SNX25: variants seen among roughly 807,000 people sequenced by gnomAD.
The protein encoded by SNX25 is sorting nexin-25.
Under a neutral mutation model 113.7 loss-of-function variants are expected in SNX25, and 62 were observed. That is an observed-to-expected ratio of 0.55 (90% CI 0.44 to 0.67). The LOEUF (loss-of-function observed/expected upper bound fraction) is 0.67. SNX25 is among the 30% of genes least tolerant of loss of function. The pLI, the probability that SNX25 is intolerant of heterozygous loss-of-function variation, is 0.00. For missense variants in SNX25, 1,014 were observed against 1,161.0 expected (o/e 0.87, Z 1.84); for synonymous variants, 421 against 436.2 (o/e 0.97, Z 0.43).
rs578257628 is a variant in SNX25, at chr4:185,282,286, C to T, written c.1092-5726C>T. On this transcript the variant is annotated intron_variant, in intron 5 of 18. Transcript: ENST00000652585. Reference sequence around the variant, plus strand: ...AAGCGATTCCCCTGCCTCAGCCTCCCGAGTAGCTGGGATTGCAGGCACCCG... The same window carrying T: ...AAGCGATTCCCCTGCCTCAGCCTCCTGAGTAGCTGGGATTGCAGGCACCCG... Among the ~76,000 whole-genome samples, 11 of 152,142 alleles carry T rather than the reference C, an allele frequency of 7.2e-5. No homozygotes were observed. In the East Asian group the frequency reaches 1.4e-3, roughly 19 times the overall value.
rs957415787 is a variant in SNX25, at chr4:185,258,991, G to T, written c.658G>T (p.Val220Phe). 5.6e-6 allele frequency: 9 copies of T among 1,614,068 alleles called. No individual in the cohort carries two copies. The highest frequency in any genetic ancestry group is 7.6e-6 in the Non-Finnish European group (9 of 1,180,030). ...CCACAGACTGAGTCACGTGGATGTG[G>T]TTAAAGTTGTCTGCAATGATGTTGT... ...LHHRLSHVDV[V>F]KVVCNDVVRT... Residue 220 changes from valine (V) to phenylalanine (F), a missense_variant, in exon 3 of 19, where the codon GTT (valine) becomes TTT (phenylalanine). Transcript: ENST00000652585.
chr4:185,223,943 C>T (rs528427680), intron 1 of SNX25, among the ~76,000 whole-genome samples: 3 of 152,300 alleles, frequency 2.0e-5, no homozygotes, highest in African/African-American at 7.2e-5. Context: ...CATAAAGGTA[C>T]AGTTCGGTAG....
chr4:185,362,562 A>G (rs1483878791), intron 17 of SNX25, 49 bp from the exon 18 acceptor site: 1 of 1,547,556 alleles, frequency 6.5e-7, no homozygotes, highest in Non-Finnish European at 8.9e-7. Flanking sequence ...AAAGCTATGC[A>G]CTGAGCACTT....
At chr4:185,240,433 C>T (rs1340999385) in intron 1 of SNX25, among the ~76,000 whole-genome samples, 6 of 150,434 alleles carry the variant, frequency 4.0e-5, no homozygotes, top group Admixed American at 2.6e-4. Flanking sequence ...GGGCGGCTGG[C>T]CGGGCAGAGG....
At chr4:185,291,791 C>T (rs1752207723) in intron 6 of SNX25, among the ~76,000 whole-genome samples, 2 of 152,172 alleles carry the variant, frequency 1.3e-5, no homozygotes, top group Non-Finnish European at 1.5e-5. Context: ...GATTGGGGCC[C>T]ACCCTGATTA....
chr4:185,369,730 C>G (rs1468095105), intron 11 of SNX25: 3 of 437,178 alleles, frequency 6.9e-6, no homozygotes, highest in Non-Finnish European at 1.4e-5. Flanking sequence ...CCAAACTTAC[C>G]TGACATTGGA....
intron 5 of SNX25, among the ~76,000 whole-genome samples, chr4:185,280,978 G>A (rs1296883643): frequency 6.6e-6 from 1 of 152,088 alleles, no homozygotes; most frequent in Admixed American, 6.5e-5. Context: ...CCCTGTCTTG[G>A]GCCTATCAAA....
downstream of SNX25, among the ~76,000 whole-genome samples, chr4:185,374,906 C>T (rs1448588996): frequency 6.6e-6 from 1 of 152,112 alleles, no homozygotes; most frequent in Non-Finnish European, 1.5e-5. Context: ...TCCATTCAAG[C>T]ATACTTTTAC....
At chr4:185,214,888 C>T (rs1022031925) in intron 1 of SNX25, among the ~76,000 whole-genome samples, 1 of 152,162 alleles carries the variant, frequency 6.6e-6, no homozygotes, top group African/African-American at 2.4e-5. Flanking sequence ...AAATTTCAAG[C>T]ACAGTTTCCT....
intron 6 of SNX25, among the ~76,000 whole-genome samples, chr4:185,306,545 G>A (rs1754499211): frequency 6.6e-6 from 1 of 152,038 alleles, no homozygotes; most frequent in African/African-American, 2.4e-5. Flanking sequence ...GCTCTCTTTG[G>A]GTAAAAAGAA....
At chr4:185,263,133 GCTCCTTTATTATCTGC>G (rs1200461325) in intron 3 of SNX25, among the ~76,000 whole-genome samples, 7 of 152,170 alleles carry the variant, frequency 4.6e-5, no homozygotes, top group African/African-American at 1.7e-4. Context: ...TGAGTACCAG[GCTCCTTTATTATCTGC>G]CTTCCACTGT....
intron 1 of SNX25, among the ~76,000 whole-genome samples, chr4:185,245,893 T>C (rs1314367440): frequency 6.6e-6 from 1 of 151,998 alleles, no homozygotes; most frequent in African/African-American, 2.4e-5. Flanking sequence ...TTACTTCCAA[T>C]TTTTTTTGCC....
intron 1 of SNX25, among the ~76,000 whole-genome samples, chr4:185,228,274 A>G (rs960917015): frequency 6.6e-5 from 10 of 152,140 alleles, no homozygotes; most frequent in African/African-American, 2.4e-4. Flanking sequence ...GGAAAGATGG[A>G]AAAGTAGAGA....
chr4:185,209,163 G>C (rs1379877531), upstream of SNX25, among the ~76,000 whole-genome samples: 1 of 152,204 alleles, frequency 6.6e-6, no homozygotes, highest in Non-Finnish European at 1.5e-5. This position sits in a 1 kb window ranked among gnomAD's most constrained non-coding sequence, Gnocchi z 5.2. Context: ...TAAGGCGGCA[G>C]GGTGGGAAAG....
intron 4 of SNX25, among the ~76,000 whole-genome samples, chr4:185,265,719 A>G (rs984887505): frequency 4.6e-5 from 7 of 152,198 alleles, no homozygotes; most frequent in Non-Finnish European, 8.8e-5. Context: ...ACTCTTTTGT[A>G]ATAACATTTA....
chr4:185,255,140 A>T (rs1746219501), intron 2 of SNX25, among the ~76,000 whole-genome samples: 1 of 145,862 alleles, frequency 6.9e-6, no homozygotes, highest in Non-Finnish European at 1.5e-5. Flanking sequence ...TTTCTTCTTT[A>T]TTTTTTTTTT....
At chr4:185,370,256 C>CA (rs1336160655), downstream of SNX25, 2 of 162,210 alleles carry the variant, frequency 1.2e-5, no homozygotes, top group African/African-American at 4.8e-5. Context: ...ATGTCACGCT[C>CA]AAAAAAACTT....
intron 16 of SNX25, among the ~76,000 whole-genome samples, chr4:185,360,671 G>A (rs376243797): frequency 6.6e-6 from 1 of 152,014 alleles, no homozygotes; most frequent in East Asian, 1.9e-4. Context: ...ATGACTGGCC[G>A]GGTGCGGTGG....
intron 1 of SNX25, among the ~76,000 whole-genome samples, chr4:185,247,021 A>G (rs971490882): frequency 4.6e-5 from 7 of 152,176 alleles, no homozygotes; most frequent in Non-Finnish European, 1.0e-4. Flanking sequence ...ATATAGCTAC[A>G]TCGGTTTGTT....
Sources: allele counts gnomAD v4.1 joint callset (sites outside exome capture counted in the v4.1 genomes callset), GRCh38; gene constraint gnomAD v4.1.1; non-coding constraint Gnocchi (gnomAD v3.1); transcripts MANE v1.5; gene names NCBI Gene and HGNC (gene_info 2026-07-23, HGNC 2026-07-21).